NPNT: variants seen among roughly 807,000 people sequenced by gnomAD.
NPNT encodes the protein preosteoblast EGF-like repeat protein with MAM domain.
In NPNT, 45 loss-of-function variants were observed where a neutral mutation model predicts 68.6. The ratio of observed to expected loss-of-function variants is 0.66; its 90% CI spans 0.52 to 0.84. The LOEUF (loss-of-function observed/expected upper bound fraction) is 0.84. NPNT is among the 40% of genes least tolerant of loss of function. The probability of loss-of-function intolerance (pLI) is 0.00; values close to 1 mark genes in which losing one functional copy is unlikely to be tolerated. For missense variants in NPNT, 672 were observed against 714.8 expected (o/e 0.94, Z 0.68); for synonymous variants, 233 against 253.3 (o/e 0.92, Z 0.76).
At chr4:105,956,677 A>C (rs1056699778) in intron 8 of NPNT, among the ~76,000 whole-genome samples, 1 of 152,176 alleles carries the variant, frequency 6.6e-6, no homozygotes, top group African/African-American at 2.4e-5. Context: ...TAATATTTCT[A>C]GTAAATAAAA....
chr4:105,928,094 CCA>C (rs1296055964), intron 3 of NPNT, among the ~76,000 whole-genome samples: 1 of 152,010 alleles, frequency 6.6e-6, no homozygotes, highest in Non-Finnish European at 1.5e-5. Flanking sequence ...AATTATTAGT[CCA>C]TTTTTTATTT....
chr4:105,898,069 C>A (rs1578562541), intron 2 of NPNT, 68 bp downstream of exon 2: 1 of 1,046,782 alleles, frequency 9.6e-7, no homozygotes, highest in Non-Finnish European at 1.4e-6. Context: ...CATGGCTTCA[C>A]CCCACATATC....
chr4:105,937,196 C>T lies in NPNT; in HGVS notation c.385+68C>T, dbSNP rs1357198874. ...GTTTCTGTTGTGCTCTGAGAGCTTG[C>T]TTTTGTGAAAATGGCCTCCGGGGTT... On this transcript the variant is annotated intron_variant, in intron 4 of 11. Coordinates refer to ENST00000379987, the MANE Select transcript of NPNT (RefSeq NM_001033047.3). 1.9e-6 allele frequency: 3 copies of T among 1,553,734 alleles called. No homozygotes were observed. The Admixed American group carries it at 5.5e-5, about 28-fold the overall frequency.
intron 11 of NPNT, among the ~76,000 whole-genome samples, chr4:105,968,577 C>G (rs1732352777): frequency 6.6e-6 from 1 of 152,310 alleles, no homozygotes; most frequent in East Asian, 1.9e-4. Flanking sequence ...TATATTCTAT[C>G]ACACTCTTCT....
At chr4:105,903,783 CTTTTTTT>C (rs746122761) in intron 2 of NPNT, among the ~76,000 whole-genome samples, 4 of 126,982 alleles carry the variant, frequency 3.2e-5, no homozygotes, top group African/African-American at 1.2e-4. Context: ...GACCTTCTTA[CTTTTTTT>C]TTTTTTTTTT....
chr4:105,958,660 AC>A lies in NPNT; in HGVS notation c.1246+105del. 3 of 596,240 alleles carry A rather than the reference AC, an allele frequency of 5.0e-6. 1 individual carries two copies. The South Asian group carries it at 1.0e-4, about 20-fold the overall frequency. 36.9% of individuals were successfully genotyped at this position (596,240 alleles called of 1,614,324 possible). A position where few individuals can be genotyped will look rare whatever the true frequency, so the allele number is the denominator to read the frequency against. ...CGTTTGGACCATTTGGGAAAATTACACCTGTTTTCTTTAACAACTCAGATTT... is the reference window on the plus strand; with the variant it reads ...CGTTTGGACCATTTGGGAAAATTACACTGTTTTCTTTAACAACTCAGATTT... On this transcript the variant is annotated intron_variant, in intron 9 of 11. Coordinates refer to ENST00000379987, the MANE Select transcript of NPNT (RefSeq NM_001033047.3).
chr4:105,908,848 C>T (rs959708809), intron 2 of NPNT, among the ~76,000 whole-genome samples: 2 of 152,164 alleles, frequency 1.3e-5, no homozygotes, highest in African/African-American at 4.8e-5. Context: ...CAGGTGTGAG[C>T]CACCGTGCCT....
intron 10 of NPNT, among the ~76,000 whole-genome samples, chr4:105,961,586 T>G (rs1197114449): frequency 6.6e-6 from 1 of 152,252 alleles, no homozygotes; most frequent in Non-Finnish European, 1.5e-5. Flanking sequence ...TCATTATATT[T>G]GTAAATGTTT....
In NPNT at chr4:105,970,742, A is replaced by G. The variant is rs1051153113; in HGVS notation, c.*1752A>G. On this transcript the variant is annotated 3_prime_UTR_variant, in exon 12 of 12. Transcript: ENST00000379987. ...TTAAAGATGTTCTTACCCAAGGAAA[A>G]GTAACAAATTATAGAATTTCCCAAA... 4 of 387,458 alleles carry G rather than the reference A, an allele frequency of 1.0e-5. No homozygotes were observed. Among genetic ancestry groups the G allele is most frequent in the Non-Finnish European group, 1.5e-5 (3 of 203,904 alleles). The allele number at this position is 387,458 out of a possible 1,614,324, so 24.0% of individuals were successfully genotyped here.
At chr4:105,900,844 T>G (rs1335628859) in intron 2 of NPNT, among the ~76,000 whole-genome samples, 1 of 151,708 alleles carries the variant, frequency 6.6e-6, no homozygotes, top group South Asian at 2.1e-4. Flanking sequence ...GTTTTTTTTT[T>G]TTTTTTTTTT....
intron 10 of NPNT, among the ~76,000 whole-genome samples, chr4:105,964,221 AC>A (rs1200132362): frequency 6.6e-6 from 1 of 152,142 alleles, no homozygotes; most frequent in Non-Finnish European, 1.5e-5. Context: ...CATACAGAAC[AC>A]CCTCATTCTT....
Position 105,971,088 on chromosome 4 carries a change from A to G in NPNT, c.*2098A>G. 1 of 438,470 alleles carries G rather than the reference A, an allele frequency of 2.3e-6. No individual in the cohort carries two copies. Among genetic ancestry groups the G allele is most frequent in the Non-Finnish European group, 4.6e-6 (1 of 216,608 alleles). 27.2% of individuals were successfully genotyped at this position (438,470 alleles called of 1,614,324 possible). The stretch of plus-strand genomic sequence containing the variant: ...AAGCCTTTCATTTGTTCAATGGATG[A>G]TGTTTCAGATTTTTTTTTTTTTAAG... On this transcript the variant is annotated 3_prime_UTR_variant, in exon 12 of 12. Transcript: ENST00000379987.
chr4:105,895,911 G>A (rs1725790796), intron 1 of NPNT, 188 bp downstream of exon 1: 1 of 586,808 alleles, frequency 1.7e-6, no homozygotes, highest in African/African-American at 1.9e-5. Flanking sequence ...GAGGCGGAGA[G>A]GGCGCGCCCT....
chr4:105,946,670 C>G (rs1158156420), intron 8 of NPNT, among the ~76,000 whole-genome samples: 1 of 151,950 alleles, frequency 6.6e-6, no homozygotes. Context: ...GGGAGTGGGT[C>G]GCAAGATCAC....
chr4:105,923,036 G>A (rs956846334), intron 2 of NPNT, among the ~76,000 whole-genome samples: 9 of 152,174 alleles, frequency 5.9e-5, no homozygotes, highest in Admixed American at 2.0e-4. Context: ...CAGCAGGCAC[G>A]TTGTTTACTC....
chr4:105,948,596 T>C (rs1264032581), intron 8 of NPNT, among the ~76,000 whole-genome samples: 1 of 152,214 alleles, frequency 6.6e-6, no homozygotes, highest in Non-Finnish European at 1.5e-5. Flanking sequence ...GGAGAACTTA[T>C]GTGATTTAAG....
At chr4:105,913,933 A>C (rs1727582844) in intron 2 of NPNT, among the ~76,000 whole-genome samples, 1 of 152,170 alleles carries the variant, frequency 6.6e-6, no homozygotes. Context: ...GAGCATTTAG[A>C]GTTCCTGTAA....
intron 3 of NPNT, among the ~76,000 whole-genome samples, chr4:105,930,700 G>C (rs909969946): frequency 2.6e-5 from 4 of 152,166 alleles, no homozygotes; most frequent in Non-Finnish European, 5.9e-5. Flanking sequence ...TATATGACAA[G>C]TATTCACTGA....
intron 2 of NPNT, among the ~76,000 whole-genome samples, chr4:105,899,203 CAATCTCTGGTTGGG>C (rs758228405): frequency 4.6e-5 from 7 of 152,160 alleles, no homozygotes; most frequent in Non-Finnish European, 1.0e-4. Flanking sequence ...ATAAAGACCA[CAATCTCTGGTTGGG>C]AATAGAAAGG....
Sources: gnomAD v4.1 joint callset for allele counts (sites outside exome capture counted in the v4.1 genomes callset) on GRCh38, gnomAD v4.1.1 for gene constraint, MANE v1.5 for transcripts, NCBI Gene and HGNC (gene_info 2026-07-23, HGNC 2026-07-21) for gene names.